ARFGEF1: variants seen among roughly 807,000 people sequenced by gnomAD.
ARFGEF1 encodes the protein ARF guanine nucleotide exchange factor 1, also known as brefeldin A-inhibited guanine nucleotide-exchange protein 1.
In ARFGEF1, 42 loss-of-function variants were observed where a neutral mutation model predicts 231.0. The ratio of observed to expected loss-of-function variants is 0.18; its 90% CI spans 0.14 to 0.24. The LOEUF is 0.24. Ranked by LOEUF, ARFGEF1 falls within the 10% of genes least tolerant of loss-of-function variation. The pLI is 1.00. For synonymous variants in ARFGEF1, 710 were observed against 732.3 expected, an observed-to-expected ratio of 0.97 and a Z score of 0.49; for missense variants, 1,345 against 2,192.0, an observed-to-expected ratio of 0.61 and a Z score of 7.72.
At position 67,271,955 on chromosome 8, in the gene ARFGEF1, G is replaced by A; in HGVS notation, c.1338-19C>T. The A allele has an allele frequency of 1.3e-6, 2 of 1,518,136 alleles. No homozygotes were observed. Among genetic ancestry groups the A allele is most frequent in the Non-Finnish European group, 1.8e-6 (2 of 1,105,250 alleles). The allele number at this position is 1,518,136 out of a possible 1,614,324, so 94.0% of individuals were successfully genotyped here. A position where few individuals can be genotyped will look rare whatever the true frequency, so the allele number is the denominator to read the frequency against. ...ATGAGACCTAAAATGTAAAAAAGAA[G>A]GCATAGTATATGAACAAGGTTGGCA... On this transcript the variant is annotated intron_variant, in intron 9 of 38. Transcript: ENST00000262215.
intron 1 of ARFGEF1, among the ~76,000 whole-genome samples, chr8:67,326,491 G>A (rs1807839821): frequency 6.6e-6 from 1 of 152,188 alleles, no homozygotes; most frequent in South Asian, 2.1e-4. Flanking sequence ...ACATGAAAAT[G>A]AGATCTGAAA....
intron 27 of ARFGEF1, among the ~76,000 whole-genome samples, chr8:67,226,814 G>C (rs1443454764): frequency 1.3e-5 from 2 of 152,000 alleles, no homozygotes; most frequent in Non-Finnish European, 2.9e-5. Flanking sequence ...TCCATCACTA[G>C]TTCTGTGACC....
chr8:67,216,549 C>T (rs754679885), intron 33 of ARFGEF1, 41 bp downstream of exon 33: 7 of 1,528,010 alleles, frequency 4.6e-6, no homozygotes, highest in Non-Finnish European at 6.2e-6. Context: ...TTACTCATCA[C>T]AAATAACTAA....
Position 67,302,575 on chromosome 8 carries a change from GA to G in ARFGEF1, c.125-110del, listed in dbSNP as rs1340957865. Reference sequence around the variant, plus strand: ...TGGAACTTCTACAAAAAGTTGGAAAGAATGCAAATTTAATAAAAATTAGATG... The same window carrying G: ...TGGAACTTCTACAAAAAGTTGGAAAGATGCAAATTTAATAAAAATTAGATG... On this transcript the variant is annotated intron_variant, in intron 1 of 38. Transcript: ENST00000262215. The G allele has an allele frequency of 1.1e-5, 8 of 710,658 alleles. No homozygotes were observed. In the African/African-American group the frequency reaches 1.5e-4, roughly 13 times the overall value. The allele number at this position is 710,658 out of a possible 1,614,324, so 44.0% of individuals were successfully genotyped here.
chr8:67,234,486 T>C (rs1478699575), intron 22 of ARFGEF1, among the ~76,000 whole-genome samples: 1 of 151,984 alleles, frequency 6.6e-6, no homozygotes, highest in African/African-American at 2.4e-5. Context: ...AGAAAAGCAA[T>C]TGAGACAGAG....
At chr8:67,190,086 C>A (rs1463780505) in intron 5 of ARFGEF1, among the ~76,000 whole-genome samples, 4 of 151,978 alleles carry the variant, frequency 2.6e-5, no homozygotes, top group Non-Finnish European at 5.9e-5. Flanking sequence ...GTTCTATAAC[C>A]CAAAGAAATG....
At chr8:67,234,181 T>C (rs1839641193) in intron 22 of ARFGEF1, among the ~76,000 whole-genome samples, 1 of 152,162 alleles carries the variant, frequency 6.6e-6, no homozygotes, top group Non-Finnish European at 1.5e-5. Context: ...TTAAACCTGC[T>C]GAACTCAAAT....
intron 1 of ARFGEF1, among the ~76,000 whole-genome samples, chr8:67,342,073 T>G (rs1463564667): frequency 1.3e-5 from 2 of 152,260 alleles, no homozygotes; most frequent in Non-Finnish European, 2.9e-5. Context: ...TTTAAGTTAT[T>G]GTGGATTTTT....
intron 1 of ARFGEF1, among the ~76,000 whole-genome samples, chr8:67,334,069 G>A (rs895649826): frequency 6.8e-6 from 1 of 147,686 alleles, no homozygotes; most frequent in South Asian, 2.1e-4. Flanking sequence ...CTGGGAAGCG[G>A]AAGTTACAGT....
intron 5 of ARFGEF1, chr8:67,177,679 G>GT: frequency 6.2e-7 from 1 of 1,607,900 alleles, no homozygotes; most frequent in East Asian, 2.2e-5. Flanking sequence ...ATTGACTACA[G>GT]TTGACTTAGA....
chr8:67,249,613 ATTTATTTTTATT>A (rs576071274), intron 19 of ARFGEF1, among the ~76,000 whole-genome samples: 5 of 149,626 alleles, frequency 3.3e-5, no homozygotes, highest in South Asian at 4.2e-4. Context: ...AGAGGGTGAT[ATTTATTTTTATT>A]TTTATTTTTA....
At chr8:67,217,697 T>C in intron 32 of ARFGEF1, 85 bp downstream of exon 32, 1 of 1,385,598 alleles carries the variant, frequency 7.2e-7, no homozygotes, top group Non-Finnish European at 9.9e-7. Flanking sequence ...AAATCAGTAG[T>C]CACTATCAAA....
chr8:67,223,095 T>C (rs1325921847), intron 29 of ARFGEF1, among the ~76,000 whole-genome samples: 3 of 152,210 alleles, frequency 2.0e-5, no homozygotes, highest in Non-Finnish European at 4.4e-5. Context: ...CTGACTATAT[T>C]TGGGACTTTA....
At chr8:67,195,883 C>CATTA (rs1837841190), downstream of ARFGEF1, 2 of 290,996 alleles carry the variant, frequency 6.9e-6, no homozygotes, top group Admixed American at 9.5e-5. Flanking sequence ...TTCTGCTTGT[C>CATTA]ATTAAGATAA....
intron 1 of ARFGEF1, among the ~76,000 whole-genome samples, chr8:67,322,017 T>C (rs776578517): frequency 8.5e-5 from 13 of 152,206 alleles, no homozygotes; most frequent in Non-Finnish European, 1.8e-4. Context: ...TAAAGGAACA[T>C]TGTAAATCCC....
At chr8:67,251,245 A>G in intron 19 of ARFGEF1, 54 bp downstream of exon 19, 1 of 1,459,480 alleles carries the variant, frequency 6.9e-7, no homozygotes, top group African/African-American at 1.4e-5. Context: ...AATATTATAA[A>G]TGTAGTTATA....
At chr8:67,307,178 A>G (rs1806786577) in intron 1 of ARFGEF1, among the ~76,000 whole-genome samples, 2 of 152,208 alleles carry the variant, frequency 1.3e-5, no homozygotes, top group African/African-American at 4.8e-5. Flanking sequence ...CAATTACCAT[A>G]ATGCCGCTAG....
intron 3 of ARFGEF1, 41 bp from the exon 4 acceptor site, chr8:67,299,396 C>A: frequency 6.5e-7 from 1 of 1,549,104 alleles, no homozygotes; most frequent in Non-Finnish European, 8.8e-7. Flanking sequence ...AGTAAGGTAA[C>A]AAATATTATA....
At chr8:67,204,133 C>T (rs1838430010) in intron 35 of ARFGEF1, among the ~76,000 whole-genome samples, 1 of 152,154 alleles carries the variant, frequency 6.6e-6, no homozygotes, top group South Asian at 2.1e-4. Context: ...TTTCTCTGTG[C>T]CTTTACAGCA....
Sources: gnomAD v4.1 joint callset for allele counts (sites outside exome capture counted in the v4.1 genomes callset) on GRCh38, gnomAD v4.1.1 for gene constraint, MANE v1.5 for transcripts, NCBI Gene and HGNC (gene_info 2026-07-23, HGNC 2026-07-21) for gene names.